Variants in TRIM9 observed in about 807,000 individuals in gnomAD.
The protein encoded by TRIM9 is tripartite motif containing 9.
TRIM9 carries 26 observed loss-of-function variants against 78.3 expected under a neutral mutation model. The observed-to-expected ratio is 0.33, with a 90% CI of 0.24 to 0.46. The LOEUF (loss-of-function observed/expected upper bound fraction) is 0.46, where lower values mean the gene tolerates loss of function less well. Among genes scored for constraint, TRIM9 ranks in the 20% least tolerant of loss-of-function variants. The pLI is 1.00. For missense variants in TRIM9, 787 were observed against 1,036.4 expected (o/e 0.76, Z 3.30); for synonymous variants, 398 against 416.5 (o/e 0.96, Z 0.54).
At chr14:51,050,003 T>C (rs1216019890) in intron 1 of TRIM9, among the ~76,000 whole-genome samples, 1 of 151,928 alleles carries the variant, frequency 6.6e-6, no homozygotes, top group East Asian at 1.9e-4. Flanking sequence ...ACATAGGGAT[T>C]TGTAGGCAAG....
chr14:50,990,574 C>T (rs527616776), intron 7 of TRIM9, among the ~76,000 whole-genome samples: 16 of 152,088 alleles, frequency 1.1e-4, no homozygotes, highest in African/African-American at 3.4e-4. Flanking sequence ...GAAAAGGTAG[C>T]CTTTGGGGTG....
intron 7 of TRIM9, chr14:50,997,072 A>G (rs1189121146): frequency 6.1e-6 from 6 of 985,336 alleles, no homozygotes; most frequent in Non-Finnish European, 7.2e-6. Context: ...TTAGTTCTGC[A>G]GAGGGAAGTT....
intron 6 of TRIM9, 54 bp from the exon 7 acceptor site, chr14:50,998,242 G>T: frequency 1.3e-6 from 2 of 1,552,290 alleles, no homozygotes; most frequent in South Asian, 1.1e-5. Context: ...TCTGAGGGGC[G>T]AGGGAGGCAG....
chr14:51,093,714 G>C (rs974833224), intron 1 of TRIM9, among the ~76,000 whole-genome samples: 1 of 152,072 alleles, frequency 6.6e-6, no homozygotes, highest in South Asian at 2.1e-4. Flanking sequence ...GTCCCTCCCC[G>C]AGGGTTCGCA....
At chr14:51,082,801 T>A (rs1317144324) in intron 1 of TRIM9, among the ~76,000 whole-genome samples, 1 of 152,232 alleles carries the variant, frequency 6.6e-6, no homozygotes, top group African/African-American at 2.4e-5. Flanking sequence ...GTTGTTCCCA[T>A]ATAAGAGCAA....
chr14:51,019,880 C>G (rs1045532959), intron 3 of TRIM9, among the ~76,000 whole-genome samples: 1 of 152,186 alleles, frequency 6.6e-6, no homozygotes, highest in African/African-American at 2.4e-5. Context: ...CTTTACCACT[C>G]AGTTCCATCT....
At chr14:51,032,749 C>T (rs1174710599) in intron 1 of TRIM9, among the ~76,000 whole-genome samples, 1 of 152,186 alleles carries the variant, frequency 6.6e-6, no homozygotes, top group East Asian at 1.9e-4. Flanking sequence ...TAAGAACCTA[C>T]ATCCTAGGAC....
chr14:51,077,773 A>G (rs2062937282), intron 1 of TRIM9, among the ~76,000 whole-genome samples: 1 of 152,218 alleles, frequency 6.6e-6, no homozygotes, highest in Admixed American at 6.5e-5. Context: ...ATCACATCTC[A>G]TAGCATAGTT....
chr14:50,992,160 G>A (rs2053596063), intron 7 of TRIM9, among the ~76,000 whole-genome samples: 1 of 152,212 alleles, frequency 6.6e-6, no homozygotes, highest in Non-Finnish European at 1.5e-5. Context: ...GGATTAGATG[G>A]GCTGAGGTGT....
At chr14:51,089,647 A>G (rs188337280) in intron 1 of TRIM9, among the ~76,000 whole-genome samples, 3 of 152,234 alleles carry the variant, frequency 2.0e-5, no homozygotes, top group Non-Finnish European at 2.9e-5. Flanking sequence ...AAAACAGAAT[A>G]CTTTTGTTTA....
At chr14:51,025,409 C>A in intron 1 of TRIM9, 49 bp from the exon 2 acceptor site, 3 of 647,270 alleles carry the variant, frequency 4.6e-6, no homozygotes, top group Admixed American at 3.0e-5. Context: ...CAGGATACAC[C>A]AACAAGGCCA....
At chr14:51,040,631 G>A (rs1341885186) in intron 1 of TRIM9, among the ~76,000 whole-genome samples, 5 of 152,332 alleles carry the variant, frequency 3.3e-5, no homozygotes, top group Middle Eastern at 3.4e-3. Flanking sequence ...CGTAAAGCTT[G>A]TGGTACACAT....
At chr14:51,048,951 T>C (rs2140054808) in intron 1 of TRIM9, among the ~76,000 whole-genome samples, 1 of 145,958 alleles carries the variant, frequency 6.9e-6, no homozygotes, top group East Asian at 2.1e-4. Context: ...ACCACTGCAC[T>C]CCAGCCTAGG....
At chr14:51,083,017 A>G (rs2063446594) in intron 1 of TRIM9, among the ~76,000 whole-genome samples, 1 of 152,184 alleles carries the variant, frequency 6.6e-6, no homozygotes, top group African/African-American at 2.4e-5. Flanking sequence ...GAGAATAGTA[A>G]TGGTTCTTGC....
At chr14:51,069,285 G>A (rs1330982831) in intron 1 of TRIM9, among the ~76,000 whole-genome samples, 1 of 152,196 alleles carries the variant, frequency 6.6e-6, no homozygotes, top group South Asian at 2.1e-4. Flanking sequence ...GTTCATCTGT[G>A]TTAATCTAGA....
chr14:50,992,279 T>C (rs1245133243), intron 7 of TRIM9, among the ~76,000 whole-genome samples: 1 of 152,092 alleles, frequency 6.6e-6, no homozygotes, highest in East Asian at 1.9e-4. Context: ...AAAATCACTA[T>C]TAAATATGAG....
intron 1 of TRIM9, among the ~76,000 whole-genome samples, chr14:51,092,667 G>T (rs780824551): frequency 1.3e-5 from 2 of 152,132 alleles, no homozygotes; most frequent in Non-Finnish European, 2.9e-5. Context: ...AAAATGAAAA[G>T]CAAATTCATG....
chr14:50,983,354 A>G (rs2052238934), intron 9 of TRIM9, 26 bp downstream of exon 9: 1 of 1,516,292 alleles, frequency 6.6e-7, no homozygotes, highest in Non-Finnish European at 8.9e-7. Flanking sequence ...ACGTAAGTAA[A>G]AGATAATTAC....
chr14:51,044,921 G>T (rs1028649466), intron 1 of TRIM9, among the ~76,000 whole-genome samples: 2 of 152,138 alleles, frequency 1.3e-5, no homozygotes, highest in African/African-American at 4.8e-5. Context: ...GAACAATCCA[G>T]GCTATCCTAA....
Sources: gnomAD v4.1 joint callset for allele counts (sites outside exome capture counted in the v4.1 genomes callset) on GRCh38, gnomAD v4.1.1 for gene constraint, MANE v1.5 for transcripts, NCBI Gene and HGNC (gene_info 2026-07-23, HGNC 2026-07-21) for gene names.